Variants in GRAMD2B observed in about 807,000 individuals in gnomAD.
GRAMD2B encodes GRAM domain containing 2B.
A neutral mutation model predicts 59.2 loss-of-function variants in GRAMD2B; 41 were observed. The ratio of observed to expected loss-of-function variants is 0.69; its 90% CI spans 0.54 to 0.90. The LOEUF (loss-of-function observed/expected upper bound fraction) is 0.90, where lower values mean the gene tolerates loss of function less well. Ranked by LOEUF, GRAMD2B falls within the 40% of genes least tolerant of loss-of-function variation. The probability of loss-of-function intolerance (pLI) is 0.00; values close to 1 mark genes in which losing one functional copy is unlikely to be tolerated. For missense variants in GRAMD2B, 424 were observed against 500.5 expected (o/e 0.85, Z 1.46); for synonymous variants, 161 against 182.7 (o/e 0.88, Z 0.96).
intron 10 of GRAMD2B, among the ~76,000 whole-genome samples, chr5:126,484,812 G>A (rs1278732470): frequency 6.6e-6 from 1 of 152,044 alleles, no homozygotes; most frequent in East Asian, 1.9e-4. Flanking sequence ...TCGAACTCCT[G>A]ACCTCTAGTG....
intron 8 of GRAMD2B, among the ~76,000 whole-genome samples, chr5:126,481,733 C>T (rs1771878038): frequency 6.6e-6 from 1 of 152,000 alleles, no homozygotes; most frequent in Non-Finnish European, 1.5e-5. Context: ...TTTGGGAGGC[C>T]GAGGCGGGTG....
At chr5:126,438,850 T>C (rs950334897) in intron 1 of GRAMD2B, among the ~76,000 whole-genome samples, 5 of 152,048 alleles carry the variant, frequency 3.3e-5, no homozygotes, top group African/African-American at 1.2e-4. Flanking sequence ...CCAGAAGAGG[T>C]TGATTGATGA....
chr5:126,392,429 A>C (rs977802664), intron 1 of GRAMD2B, among the ~76,000 whole-genome samples: 1 of 152,188 alleles, frequency 6.6e-6, no homozygotes, highest in Non-Finnish European at 1.5e-5. Flanking sequence ...AAATGTAGCA[A>C]TATGTGTGCA....
Position 126,468,099 on chromosome 5 carries a change from T to C in GRAMD2B, c.204-1578T>C, listed in dbSNP as rs1173905735. ...TGTGTCGTTTCCTCCCAATAAACATTAAAGCAACTTCATAATCATAAAACT... is the reference window on the plus strand; with the variant it reads ...TGTGTCGTTTCCTCCCAATAAACATCAAAGCAACTTCATAATCATAAAACT... On this transcript the variant is annotated intron_variant, in intron 2 of 13. Transcript: ENST00000285689. Among the ~76,000 whole-genome samples the C allele has an allele frequency of 2.0e-5, 3 of 152,236 alleles. No individual in the cohort carries two copies. The South Asian group carries it at 6.2e-4, about 31-fold the overall frequency.
At chr5:126,392,818 G>T (rs1756954761) in intron 1 of GRAMD2B, among the ~76,000 whole-genome samples, 1 of 152,096 alleles carries the variant, frequency 6.6e-6, no homozygotes, top group Non-Finnish European at 1.5e-5. Context: ...ACTGACCCTA[G>T]ATCTCTCGCA....
intron 5 of GRAMD2B, among the ~76,000 whole-genome samples, chr5:126,474,870 G>A (rs932069572): frequency 6.6e-6 from 1 of 152,192 alleles, no homozygotes; most frequent in Admixed American, 6.5e-5. Context: ...ACAGAAGCAG[G>A]AGACTGAAAA....
intron 1 of GRAMD2B, among the ~76,000 whole-genome samples, chr5:126,431,659 T>G (rs1448218557): frequency 6.6e-6 from 1 of 151,730 alleles, no homozygotes; most frequent in Non-Finnish European, 1.5e-5. Context: ...GAGACCAAGG[T>G]AAGAGAAGTG....
At chr5:126,393,685 T>A (rs968456412) in intron 1 of GRAMD2B, among the ~76,000 whole-genome samples, 2 of 152,110 alleles carry the variant, frequency 1.3e-5, no homozygotes, top group African/African-American at 4.8e-5. Context: ...AGCCCCAAGA[T>A]AACAATTATC....
intron 1 of GRAMD2B, among the ~76,000 whole-genome samples, chr5:126,451,387 A>C (rs1765346420): frequency 6.6e-6 from 1 of 152,198 alleles, no homozygotes; most frequent in Non-Finnish European, 1.5e-5. Context: ...CAATCTCAAA[A>C]GAGATTGTTT....
intron 1 of GRAMD2B, among the ~76,000 whole-genome samples, chr5:126,375,276 A>T (rs1160340773): frequency 6.6e-6 from 1 of 152,090 alleles, no homozygotes; most frequent in African/African-American, 2.4e-5. Flanking sequence ...TTAATAATAA[A>T]CCTGTAGACA....
At chr5:126,415,472 G>A (rs979080700) in intron 1 of GRAMD2B, among the ~76,000 whole-genome samples, 10 of 151,804 alleles carry the variant, frequency 6.6e-5, no homozygotes, top group African/African-American at 2.2e-4. Context: ...ACATGTAAAA[G>A]GCATGCAAAA....
At chr5:126,478,384 G>A (rs1771057231) in intron 6 of GRAMD2B, among the ~76,000 whole-genome samples, 1 of 152,170 alleles carries the variant, frequency 6.6e-6, no homozygotes, top group Non-Finnish European at 1.5e-5. Context: ...GCTGCAGTGA[G>A]CCATGATTGT....
At chr5:126,438,808 A>C (rs1455284763) in intron 1 of GRAMD2B, among the ~76,000 whole-genome samples, 1 of 152,148 alleles carries the variant, frequency 6.6e-6, no homozygotes, top group Admixed American at 6.5e-5. Context: ...GAACAATCAC[A>C]TATATGGCCT....
chr5:126,402,933 G>A (rs1757962856), intron 1 of GRAMD2B, among the ~76,000 whole-genome samples: 1 of 151,946 alleles, frequency 6.6e-6, no homozygotes, highest in Admixed American at 6.6e-5. Flanking sequence ...TTCCATAGGG[G>A]CTGAGATAAT....
chr5:126,487,654 C>G (rs1773201614), intron 12 of GRAMD2B, among the ~76,000 whole-genome samples: 1 of 152,200 alleles, frequency 6.6e-6, no homozygotes, highest in Non-Finnish European at 1.5e-5. Context: ...TCACCACATG[C>G]TGAAGGCTCT....
chr5:126,484,308 T>G (rs1180769476), intron 9 of GRAMD2B, 94 bp from the exon 10 acceptor site: 1 of 1,402,538 alleles, frequency 7.1e-7, no homozygotes, highest in East Asian at 2.4e-5. Flanking sequence ...TTCTTGACCA[T>G]TATGCATGTT....
At chr5:126,430,720 A>G (rs1360634394) in intron 1 of GRAMD2B, among the ~76,000 whole-genome samples, 2 of 152,228 alleles carry the variant, frequency 1.3e-5, no homozygotes, top group East Asian at 3.9e-4. Context: ...AAGGGCTTTC[A>G]TGTAGCAAAA....
intron 6 of GRAMD2B, chr5:126,480,229 C>G: frequency 2.0e-6 from 1 of 502,184 alleles, no homozygotes; most frequent in Non-Finnish European, 3.5e-6. Flanking sequence ...ATTTATTACT[C>G]TTAAATTGGG....
chr5:126,376,564 A>C (rs1755204874), intron 1 of GRAMD2B, among the ~76,000 whole-genome samples: 1 of 152,068 alleles, frequency 6.6e-6, no homozygotes, highest in Non-Finnish European at 1.5e-5. Flanking sequence ...GGACAGGAGC[A>C]CTCTATGGCA....
Sources: allele counts gnomAD v4.1 joint callset (sites outside exome capture counted in the v4.1 genomes callset), GRCh38; gene constraint gnomAD v4.1.1; transcripts MANE v1.5; gene names NCBI Gene and HGNC (gene_info 2026-07-23, HGNC 2026-07-21).